TYR: variants seen among roughly 807,000 people sequenced by gnomAD.
The protein encoded by TYR is tyrosinase.
In TYR, 58 loss-of-function variants were observed where a neutral mutation model predicts 51.5. The observed-to-expected ratio is 1.13, with a 90% confidence interval of 0.91 to 1.40. The LOEUF is 1.40. Ranked by LOEUF, TYR falls within the 40% of genes most tolerant of loss-of-function variation. The pLI, the probability that TYR is intolerant of heterozygous loss-of-function variation, is 0.00. For synonymous variants in TYR, 263 were observed against 235.2 expected (o/e 1.12, Z -1.08); for missense variants, 732 against 647.4 (o/e 1.13, Z -1.42).
chr11:89,250,043 A>C lies in TYR; in HGVS notation c.1184+22073A>C, dbSNP rs1045701770. ...GTGTGAAGGGAGGTCATCAGTTCTT[A>C]AGGGGCTGGGGGCTGACTAGGAGAA... On this transcript the variant is annotated intron_variant, in intron 3 of 4. Transcript: ENST00000263321. 9.2e-5 allele frequency among the ~76,000 whole-genome samples: 14 copies of C among 152,140 alleles called. No homozygotes were observed. In the East Asian group the frequency reaches 2.7e-3, roughly 29 times the overall value.
intron 3 of TYR, among the ~76,000 whole-genome samples, chr11:89,281,179 T>C (rs1440596992): frequency 6.6e-6 from 1 of 151,656 alleles, no homozygotes; most frequent in Non-Finnish European, 1.5e-5. Flanking sequence ...TTTATTTCCT[T>C]GAAACTCTGA....
chr11:89,265,474 A>C (rs1431306427), intron 3 of TYR, among the ~76,000 whole-genome samples: 1 of 152,062 alleles, frequency 6.6e-6, no homozygotes, highest in Non-Finnish European at 1.5e-5. Context: ...CATTTCATGA[A>C]TTTTACTACT....
chr11:89,281,157 G>A (rs1944717378), intron 3 of TYR, among the ~76,000 whole-genome samples: 1 of 151,566 alleles, frequency 6.6e-6, no homozygotes, highest in African/African-American at 2.4e-5. Flanking sequence ...TTCCCTGGTT[G>A]CAGTATTTCT....
intron 3 of TYR, among the ~76,000 whole-genome samples, chr11:89,251,596 C>G (rs1453106429): frequency 6.6e-6 from 1 of 151,644 alleles, no homozygotes; most frequent in Non-Finnish European, 1.5e-5. Context: ...TAGCTGTGTC[C>G]TTATACAAAG....
intron 2 of TYR, among the ~76,000 whole-genome samples, chr11:89,211,914 G>A (rs574323702): frequency 1.1e-3 from 160 of 152,082 alleles, no homozygotes; most frequent in African/African-American, 5.8e-4. Context: ...ACAAAGACAC[G>A]ACGTACCAGA....
intron 4 of TYR, among the ~76,000 whole-genome samples, chr11:89,290,699 T>C (rs1470861897): frequency 6.6e-6 from 1 of 152,018 alleles, no homozygotes; most frequent in African/African-American, 2.4e-5. Context: ...AAAGATATAT[T>C]CTTTTCTTTT....
intron 2 of TYR, among the ~76,000 whole-genome samples, chr11:89,207,516 T>C (rs535313291): frequency 1.3e-5 from 2 of 152,292 alleles, no homozygotes; most frequent in African/African-American, 4.8e-5. Context: ...ATAGAATGTT[T>C]TCCTTGAGAA....
Position 89,284,955 on chromosome 11 carries a change from G to T in TYR, c.1366+1G>T, listed in dbSNP as rs369610829. 15 of 1,610,366 alleles carry T rather than the reference G, an allele frequency of 9.3e-6. No homozygotes were observed. In the African/African-American group the frequency reaches 1.2e-4, roughly 13 times the overall value. ...GACTATAGCTATCTACAAGATTCAG[G>T]TAAAGTTTACTTTCTTTCAGAGGAA... is the stretch of plus-strand genomic sequence containing the variant. On this transcript the variant is annotated splice_donor_variant, in intron 4 of 4. Transcript: ENST00000263321. LOFTEE classifies it high-confidence loss of function.
intron 2 of TYR, among the ~76,000 whole-genome samples, chr11:89,213,666 G>A (rs1447314963): frequency 1.3e-5 from 2 of 152,094 alleles, no homozygotes; most frequent in Non-Finnish European, 2.9e-5. Context: ...AAAGCTGGAG[G>A]CATCATGCTA....
chr11:89,212,933 C>T (rs1421623407), intron 2 of TYR, among the ~76,000 whole-genome samples: 7 of 152,104 alleles, frequency 4.6e-5, no homozygotes, highest in African/African-American at 7.2e-5. Flanking sequence ...ATTGATGGAA[C>T]GTATCTCAAA....
chr11:89,185,622 A>C (rs1281991930), intron 1 of TYR, among the ~76,000 whole-genome samples: 2 of 152,198 alleles, frequency 1.3e-5, no homozygotes, highest in African/African-American at 4.8e-5. Flanking sequence ...GGTAAAGAAC[A>C]ATGTTATCTC....
At chr11:89,194,895 C>G (rs908595298) in intron 2 of TYR, among the ~76,000 whole-genome samples, 1 of 152,134 alleles carries the variant, frequency 6.6e-6, no homozygotes, top group South Asian at 2.1e-4. Context: ...CATCTTGTAC[C>G]TACAATGCTC....
chr11:89,235,604 C>A lies in TYR; in HGVS notation c.1184+7634C>A, dbSNP rs115449634. The stretch of plus-strand genomic sequence containing the variant: ...AGTAACCACATAATCTCTTTAGATG[C>A]AGAATCTAAAAAACTTTGAACTCGT... On this transcript the variant is annotated intron_variant, in intron 3 of 4. Coordinates refer to ENST00000263321, the MANE Select transcript of TYR (RefSeq NM_000372.5). Among the ~76,000 whole-genome samples, 602 of 152,124 alleles carry A rather than the reference C, an allele frequency of 4.0e-3. 4 individuals are homozygous for A. Among genetic ancestry groups the A allele is most frequent in the African/African-American group, 0.014 (578 of 41,518 alleles).
At chr11:89,253,192 A>T (rs891152364) in intron 3 of TYR, among the ~76,000 whole-genome samples, 2 of 151,772 alleles carry the variant, frequency 1.3e-5, no homozygotes, top group Non-Finnish European at 3.0e-5. Flanking sequence ...TTAAGTCAGT[A>T]CCTATTGCAA....
At chr11:89,208,136 G>A (rs868382551) in intron 2 of TYR, among the ~76,000 whole-genome samples, 5 of 152,172 alleles carry the variant, frequency 3.3e-5, no homozygotes, top group Middle Eastern at 3.2e-3. Flanking sequence ...CAGATGTGGT[G>A]GCGGGCACCT....
intron 3 of TYR, among the ~76,000 whole-genome samples, chr11:89,262,683 G>GA (rs1193045797): frequency 1.4e-5 from 2 of 142,018 alleles, no homozygotes; most frequent in Non-Finnish European, 3.1e-5. Flanking sequence ...CTTTACAGGA[G>GA]AAAAAATTAC....
intron 2 of TYR, among the ~76,000 whole-genome samples, chr11:89,198,319 C>G (rs7107143): frequency 1.3e-5 from 2 of 151,848 alleles, no homozygotes; most frequent in Admixed American, 1.3e-4. Flanking sequence ...CATGGAGTGA[C>G]GCATTCTAGT....
Position 89,188,200 on chromosome 11 carries a change from T to C in TYR, c.820-3002T>C, listed in dbSNP as rs145898782. On this transcript the variant is annotated intron_variant, in intron 1 of 4. Coordinates refer to ENST00000263321, the MANE Select transcript of TYR (RefSeq NM_000372.5). Reference sequence around the variant, plus strand: ...AAAATGCTAATACTTATTAAAAATGTTTAAGTCAATGAATAAGGCAATATG... The same window carrying C: ...AAAATGCTAATACTTATTAAAAATGCTTAAGTCAATGAATAAGGCAATATG... 1.3e-3 allele frequency among the ~76,000 whole-genome samples: 204 copies of C among 151,896 alleles called. 2 individuals are homozygous for C. Among genetic ancestry groups the C allele is most frequent in the African/African-American group, 4.7e-3 (194 of 41,532 alleles).
At chr11:89,230,696 C>T (rs567960507) in intron 3 of TYR, among the ~76,000 whole-genome samples, 1 of 151,988 alleles carries the variant, frequency 6.6e-6, no homozygotes, top group African/African-American at 2.4e-5. Flanking sequence ...AATAGAAAAA[C>T]TAATTTTAAA....
Sources: allele counts gnomAD v4.1 joint callset (sites outside exome capture counted in the v4.1 genomes callset), GRCh38; gene constraint gnomAD v4.1.1; transcripts MANE v1.5; gene names NCBI Gene and HGNC (gene_info 2026-07-23, HGNC 2026-07-21).